The following SZT2 variants were observed in gnomAD, a reference collection of about 807,000 sequenced individuals.
SZT2 encodes the protein KICSTOR complex protein SZT2.
SZT2 carries 216 observed loss-of-function variants against 404.2 expected under a neutral mutation model. The ratio of observed to expected loss-of-function variants is 0.53; its 90% CI spans 0.48 to 0.60. The LOEUF (loss-of-function observed/expected upper bound fraction) is 0.60, where lower values mean the gene tolerates loss of function less well. Among genes scored for constraint, SZT2 ranks in the 20% least tolerant of loss-of-function variants. The pLI is 0.00. For synonymous variants in SZT2, 1,693 were observed against 1,749.9 expected (o/e 0.97, Z 0.81); for missense variants, 3,857 against 4,459.2 (o/e 0.86, Z 3.85).
rs893489938 is a variant in SZT2, at chr1:43,426,319, A to G, written c.3044-49A>G. ...AGCTGGTCAGGGCTGAGCCGGGGGC[A>G]CCGGGCAGCAGGAGGCTCTTGGTGC... On this transcript the variant is annotated intron_variant, in intron 21 of 71. Coordinates refer to ENST00000634258, the MANE Select transcript of SZT2 (RefSeq NM_001365999.1). The surrounding 1 kb of genome is among the most constrained non-coding windows in gnomAD (Gnocchi z 4.9). The G allele has an allele frequency of 1.3e-5, 20 of 1,509,080 alleles. No homozygotes were observed. In the Admixed American group the frequency reaches 3.6e-4, roughly 27 times the overall value. 93.5% of individuals were successfully genotyped at this position (1,509,080 alleles called of 1,614,324 possible).
chr1:43,430,144 C>T, intron 30 of SZT2, 41 bp downstream of exon 30: 1 of 1,608,380 alleles, frequency 6.2e-7, no homozygotes, highest in Non-Finnish European at 8.5e-7. Context: ...GCCCTCAACC[C>T]AGAGGCCCAC....
chr1:43,449,144 C>G, intron 70 of SZT2: 1 of 204,018 alleles, frequency 4.9e-6, no homozygotes, highest in Non-Finnish European at 1.0e-5. Flanking sequence ...ACATTTCAGA[C>G]TGTTGACTCG....
At chr1:43,427,804 T>G (rs1653362224) in intron 26 of SZT2, 70 bp downstream of exon 26, 1 of 1,542,798 alleles carries the variant, frequency 6.5e-7, no homozygotes, top group Non-Finnish European at 8.8e-7. Context: ...AAGTACACAC[T>G]AATAGGCGTG....
intron 62 of SZT2, 121 bp from the exon 63 acceptor site, chr1:43,445,773 C>T: frequency 1.0e-6 from 1 of 971,020 alleles, no homozygotes; most frequent in Non-Finnish European, 1.6e-6. Context: ...ACAGTGGCAG[C>T]TTTGTGGGTC....
In SZT2 at chr1:43,425,013, C is replaced by A; in HGVS notation, c.2551-100C>A. 6.5e-7 allele frequency: 1 copy of A among 1,546,778 alleles called. No homozygotes were observed. The highest frequency in any genetic ancestry group is 8.9e-7 in the Non-Finnish European group (1 of 1,121,686). On this transcript the variant is annotated intron_variant, in intron 17 of 71. Transcript: ENST00000634258. The surrounding 1 kb of genome is among the most constrained non-coding windows in gnomAD (Gnocchi z 4.3). ...AAGGTCTGAGGCTGCAGTCATAGGA[C>A]AATTTGGTGAGGGAACTGAAATTCT...
At chr1:43,427,011 G>A (rs1653233625) in intron 23 of SZT2, 45 bp from the exon 24 acceptor site, 18 of 1,609,696 alleles carry the variant, frequency 1.1e-5, no homozygotes, top group Non-Finnish European at 1.5e-5. Context: ...ACAGGGGTTG[G>A]ACATTCCCTT....
chr1:43,416,479 C>G, intron 6 of SZT2, 56 bp from the exon 7 acceptor site: 1 of 1,474,698 alleles, frequency 6.8e-7, no homozygotes. Context: ...GGGTGCCTCC[C>G]TGTGAGTTTG....
Position 43,446,408 on chromosome 1 carries a change from A to C in SZT2, c.9064A>C (p.Asn3022His). ...CCGAATCCCAATGGGGCAGGCTGTCAACTCACAGGTATGTGAATGAGCTGC... is the reference window on the plus strand; with the variant it reads ...CCGAATCCCAATGGGGCAGGCTGTCCACTCACAGGTATGTGAATGAGCTGC... ...CSRIPMGQAV[N>H]SQLSMLFTEE... Residue 3022 changes from asparagine (N) to histidine (H), a missense_variant, in exon 65 of 72, where the codon AAC (asparagine) becomes CAC (histidine). By Grantham distance (68) the Asn-to-His change is moderately conservative. Coordinates refer to ENST00000634258, the MANE Select transcript of SZT2 (RefSeq NM_001365999.1). 1 of 1,614,296 alleles carries C rather than the reference A, an allele frequency of 6.2e-7. No individual in the cohort carries two copies. Among genetic ancestry groups the C allele is most frequent in the South Asian group, 1.1e-5 (1 of 91,090 alleles).
rs200184443 is a variant in SZT2 at position 43,430,694 on chromosome 1, A to T, written c.4679A>T (p.His1560Leu). Residue 1560 changes from histidine to leucine, a missense_variant, in exon 32 of 72, where the codon CAT becomes CTT. His to Leu is a moderately conservative substitution (Grantham distance 99). This residue lies in a region of SZT2 where 1,725 missense variants were observed against 1,881.0 expected (regional missense o/e 0.92). Coordinates refer to ENST00000634258, the MANE Select transcript of SZT2 (RefSeq NM_001365999.1). ...CCCACTGGGCCTGAGAGCTTCCTTC[A>T]TGACCTGCCACCGCTCTTCCTGCAC... ...DSPTGPESFL[H>L]DLPPLFLHLT... The T allele has an allele frequency of 6.2e-7, 1 of 1,613,866 alleles. No individual in the cohort carries two copies. The highest frequency in any genetic ancestry group is 2.2e-5 in the East Asian group (1 of 44,874).
At chr1:43,416,808 T>C (rs1268430037) in intron 7 of SZT2, among the ~76,000 whole-genome samples, 167 bp downstream of exon 7, 2 of 152,246 alleles carry the variant, frequency 1.3e-5, no homozygotes, top group East Asian at 1.9e-4. Flanking sequence ...GGGAGAGGAC[T>C]CTTATTTTTT....
chr1:43,439,155 TACTCTTTCCTACCG>T lies in SZT2; in HGVS notation c.6792+64_6792+77del. ...ACCCCTGCCCCCTGCCCCACGCACT[TACTCTTTCCTACCG>T]ATACCCCTATATGTACCTTTGCCCA... On this transcript the variant is annotated intron_variant, in intron 48 of 71. Coordinates refer to ENST00000634258, the MANE Select transcript of SZT2 (RefSeq NM_001365999.1). This position sits in a 1 kb window ranked among gnomAD's most constrained non-coding sequence, Gnocchi z 4.2. 1 of 1,603,988 alleles carries T rather than the reference TACTCTTTCCTACCG, an allele frequency of 6.2e-7. No homozygotes were observed. The highest frequency in any genetic ancestry group is 8.5e-7 in the Non-Finnish European group (1 of 1,173,246).
At chr1:43,440,676 G>T in intron 52 of SZT2, 90 bp downstream of exon 52, 1 of 1,444,248 alleles carries the variant, frequency 6.9e-7, no homozygotes, top group East Asian at 2.6e-5. Flanking sequence ...GTCCCCCATA[G>T]GCCTTGCCAC....
chr1:43,437,957 G>A lies in SZT2; in HGVS notation c.6508+55G>A, dbSNP rs1364426079. On this transcript the variant is annotated intron_variant, in intron 46 of 71. Coordinates refer to ENST00000634258, the MANE Select transcript of SZT2 (RefSeq NM_001365999.1). The surrounding 1 kb of genome is among the most constrained non-coding windows in gnomAD (Gnocchi z 5.3). ...GCCACATGAGGTTCCAGAATCCTCTGGGACTTCTCTTAGAACCTTGCAAGC... is the reference window on the plus strand; with the variant it reads ...GCCACATGAGGTTCCAGAATCCTCTAGGACTTCTCTTAGAACCTTGCAAGC... 1 of 1,554,168 alleles carries A rather than the reference G, an allele frequency of 6.4e-7. No homozygotes were observed. Among genetic ancestry groups the A allele is most frequent in the African/African-American group, 1.4e-5 (1 of 73,656 alleles).
intron 1 of SZT2, among the ~76,000 whole-genome samples, chr1:43,393,251 G>A (rs556736028): frequency 9.8e-5 from 15 of 152,338 alleles, no homozygotes; most frequent in African/African-American, 3.4e-4. Flanking sequence ...AGAGAACTAA[G>A]AGGAAGCAAC....
chr1:43,453,973 A>T lies in SZT2; in HGVS notation c.*3493A>T. ...GCCTTCACGAAAAGCGCCTACGGTT[A>T]GCGAGAGAGGGATCACGGGGAGAGG... On this transcript the variant is annotated 3_prime_UTR_variant, in exon 72 of 72. Transcript: ENST00000634258. The T allele has an allele frequency of 8.4e-7, 1 of 1,191,868 alleles. No individual in the cohort carries two copies. Among genetic ancestry groups the T allele is most frequent in the Non-Finnish European group, 1.0e-6 (1 of 962,484 alleles). 73.8% of individuals were successfully genotyped at this position (1,191,868 alleles called of 1,614,324 possible). A position where few individuals can be genotyped will look rare whatever the true frequency, so the allele number is the denominator to read the frequency against.
intron 4 of SZT2, 42 bp from the exon 5 acceptor site, chr1:43,415,040 A>G (rs1252155673): frequency 1.3e-6 from 2 of 1,589,272 alleles, no homozygotes; most frequent in Admixed American, 1.7e-5. Flanking sequence ...GGTCTGTGCC[A>G]CCCTGACCGT....
At chr1:43,419,435 G>T (rs2153932011) in intron 7 of SZT2, among the ~76,000 whole-genome samples, 1 of 152,354 alleles carries the variant, frequency 6.6e-6, no homozygotes, top group East Asian at 1.9e-4. Flanking sequence ...AGTCTCTCAG[G>T]ATGATGACAG....
chr1:43,410,095 A>G (rs1650827266), intron 4 of SZT2: 1 of 152,226 alleles, frequency 6.6e-6, no homozygotes, highest in South Asian at 2.1e-4. Context: ...TAGAGAACCC[A>G]GAAGCCATAT....
At position 43,438,806 on chromosome 1, in the gene SZT2, G is replaced by T. The variant is rs1369262940; in HGVS notation, c.6616G>T (p.Ala2206Ser). ...TGTTCGGAACTGCAAGCTGACACCA[G>T]CTGATGTGGAGGTCAGCTCCCCTCT... Reference protein sequence around the residue: ...MLVRNCKLTPADVEFIQPPGS... With the variant: ...MLVRNCKLTPSDVEFIQPPGS... Residue 2206 changes from alanine to serine, a missense_variant, in exon 47 of 72, where the codon GCT becomes TCT. Physicochemically the swap from Ala to Ser is moderately conservative, Grantham distance 99. Transcript: ENST00000634258. 4 of 1,613,580 alleles carry T rather than the reference G, an allele frequency of 2.5e-6. No individual in the cohort carries two copies. In the East Asian group the frequency reaches 8.9e-5, roughly 36 times the overall value.
Sources: gnomAD v4.1 joint callset for allele counts (sites outside exome capture counted in the v4.1 genomes callset) on GRCh38, gnomAD v4.1.1 for gene constraint, gnomAD v4.1.1 regional missense constraint, Gnocchi (gnomAD v3.1) non-coding constraint, MANE v1.5 for transcripts, NCBI Gene and HGNC (gene_info 2026-07-23, HGNC 2026-07-21) for gene names.